The following COL22A1 variants were observed in gnomAD, a reference collection of about 807,000 sequenced individuals.
COL22A1 encodes the protein collagen alpha-1(XXII) chain.
COL22A1 carries 221 observed loss-of-function variants against 248.9 expected under a neutral mutation model. The ratio of observed to expected loss-of-function variants is 0.89; its 90% CI spans 0.80 to 0.99. The LOEUF (loss-of-function observed/expected upper bound fraction) is 0.99. Ranked by LOEUF, COL22A1 falls within the 50% of genes least tolerant of loss-of-function variation. COL22A1 has a pLI of 0.00. For synonymous variants in COL22A1, 891 were observed against 793.4 expected, an observed-to-expected ratio of 1.12 and a Z score of -2.07; for missense variants, 2,240 against 2,179.0, an observed-to-expected ratio of 1.03 and a Z score of -0.56.
At chr8:138,853,967 G>A (rs1405224502) in intron 3 of COL22A1, among the ~76,000 whole-genome samples, 1 of 152,248 alleles carries the variant, frequency 6.6e-6, no homozygotes, top group Non-Finnish European at 1.5e-5. Flanking sequence ...CAAGACCAGT[G>A]TGGGGTAGAA....
intron 23 of COL22A1, among the ~76,000 whole-genome samples, chr8:138,729,810 C>T (rs1331584069): frequency 6.6e-6 from 1 of 152,128 alleles, no homozygotes; most frequent in East Asian, 1.9e-4. Context: ...ACAGTGTGGG[C>T]AGAAACTCTA....
In COL22A1 at chr8:138,616,048, A is replaced by G. The variant is rs1819291578; in HGVS notation, c.3877T>C (p.Ser1293Pro). Reference protein sequence around the residue: ...DSGAPGPRGESGAMGLPGQEG... With the variant: ...DSGAPGPRGEPGAMGLPGQEG... The stretch of plus-strand genomic sequence containing the variant: ...TGACCAGGAAGCCCCATGGCACCAG[A>G]CTCTCCCTAGGAACAAAAAAGCCTG... The change falls in exon 55 of 65, where the codon TCT becomes CCT. Residue 1293 changes from serine to proline, a missense_variant. By Grantham distance (74) the Ser-to-Pro change is moderately conservative. Transcript: ENST00000303045. The G allele has an allele frequency of 6.2e-7, 1 of 1,612,606 alleles. No individual in the cohort carries two copies. The highest frequency in any genetic ancestry group is 1.7e-5 in the Admixed American group (1 of 59,946).
chr8:138,902,450 C>T (rs1364624531), intron 1 of COL22A1, among the ~76,000 whole-genome samples: 4 of 152,130 alleles, frequency 2.6e-5, no homozygotes, highest in African/African-American at 7.2e-5. Flanking sequence ...GTAATGCCAG[C>T]ACTTTGGAAG....
At chr8:138,738,037 G>A (rs1831258621) in intron 22 of COL22A1, among the ~76,000 whole-genome samples, 4 of 152,042 alleles carry the variant, frequency 2.6e-5, no homozygotes, top group Admixed American at 2.6e-4. Context: ...ACTTCAGCTT[G>A]CCATTCAACC....
intron 31 of COL22A1, among the ~76,000 whole-genome samples, chr8:138,700,583 A>C (rs1172110897): frequency 6.6e-6 from 1 of 152,162 alleles, no homozygotes; most frequent in African/African-American, 2.4e-5. Flanking sequence ...AAGGTTGGGG[A>C]GAGTAGGAGA....
chr8:138,695,022 C>G, intron 32 of COL22A1, 143 bp from the exon 33 acceptor site: 4 of 699,056 alleles, frequency 5.7e-6, no homozygotes, highest in South Asian at 5.7e-5. Flanking sequence ...AGGCTGTTCC[C>G]TCTGCCTGGG....
intron 36 of COL22A1, among the ~76,000 whole-genome samples, chr8:138,689,674 C>T (rs1194455081): frequency 1.3e-5 from 2 of 152,140 alleles, no homozygotes; most frequent in Non-Finnish European, 2.9e-5. Context: ...AAGATCATGC[C>T]ACTGCACCCC....
At chr8:138,753,538 G>A (rs950752349) in intron 21 of COL22A1, among the ~76,000 whole-genome samples, 2 of 152,152 alleles carry the variant, frequency 1.3e-5, no homozygotes, top group East Asian at 1.9e-4. Flanking sequence ...AAGACCATCC[G>A]CATGTCCTGT....
rs759951106 is a variant in COL22A1, at chr8:138,615,986, C to T, written c.3924+15G>A. ...CCAGCCCCAGCCCAGCCAGGTCCCA[C>T]AGGACCCCACTTACATCTTTTCCTG... On this transcript the variant is annotated intron_variant, in intron 55 of 64. Transcript: ENST00000303045. The T allele has an allele frequency of 3.1e-6, 5 of 1,606,702 alleles. No homozygotes were observed. The South Asian group carries it at 5.5e-5, about 18-fold the overall frequency.
intron 56 of COL22A1, among the ~76,000 whole-genome samples, chr8:138,612,565 T>C (rs1259219690): frequency 6.6e-6 from 1 of 152,022 alleles, no homozygotes; most frequent in Non-Finnish European, 1.5e-5. Context: ...TAAAGGTAAT[T>C]AGTTAAAATA....
intron 17 of COL22A1, 85 bp from the exon 18 acceptor site, chr8:138,760,372 G>T: frequency 7.9e-7 from 1 of 1,270,242 alleles, no homozygotes; most frequent in Non-Finnish European, 1.1e-6. Context: ...TTGAAAGACA[G>T]CTGCCCACTG....
intron 57 of COL22A1, among the ~76,000 whole-genome samples, chr8:138,607,404 C>A (rs1818506034): frequency 1.3e-5 from 2 of 152,152 alleles, no homozygotes; most frequent in Admixed American, 1.3e-4. Context: ...TCCCCACCTA[C>A]CAGGACTGAA....
At chr8:138,609,683 C>A (rs1236875185) in intron 56 of COL22A1, among the ~76,000 whole-genome samples, 1 of 152,230 alleles carries the variant, frequency 6.6e-6, no homozygotes, top group African/African-American at 2.4e-5. Context: ...TAGCCCTCCT[C>A]CTTCTTTCTC....
chr8:138,862,137 G>T (rs1187707987), intron 3 of COL22A1, among the ~76,000 whole-genome samples: 3 of 151,864 alleles, frequency 2.0e-5, no homozygotes, highest in Non-Finnish European at 4.4e-5. Context: ...AGAATTGCTT[G>T]AACCCAGGAG....
chr8:138,856,064 G>T (rs556698366), intron 3 of COL22A1, among the ~76,000 whole-genome samples: 2 of 152,328 alleles, frequency 1.3e-5, no homozygotes, highest in South Asian at 4.1e-4. Context: ...GCAGAAAAAG[G>T]GGCCGTGCCT....
intron 30 of COL22A1, among the ~76,000 whole-genome samples, chr8:138,703,614 A>G (rs1828151836): frequency 6.6e-6 from 1 of 152,206 alleles, no homozygotes; most frequent in Non-Finnish European, 1.5e-5. Context: ...GATCATTTAT[A>G]TCACTATATA....
intron 15 of COL22A1, among the ~76,000 whole-genome samples, chr8:138,776,356 C>A (rs762946067): frequency 1.3e-5 from 2 of 152,184 alleles, no homozygotes; most frequent in Non-Finnish European, 2.9e-5. Context: ...CAGTTCCCCC[C>A]AAGACACTAC....
At chr8:138,719,430 G>C (rs961587623) in intron 27 of COL22A1, among the ~76,000 whole-genome samples, 3 of 152,204 alleles carry the variant, frequency 2.0e-5, no homozygotes, top group African/African-American at 4.8e-5. Context: ...TGAGGGCTGA[G>C]TTCCTCGGAT....
chr8:138,814,290 G>T (rs1287216622), intron 7 of COL22A1, among the ~76,000 whole-genome samples: 1 of 152,262 alleles, frequency 6.6e-6, no homozygotes, highest in Non-Finnish European at 1.5e-5. Flanking sequence ...CCATATCCAG[G>T]TATCCCCTTT....
Sources: gnomAD v4.1 joint callset for allele counts (sites outside exome capture counted in the v4.1 genomes callset) on GRCh38, gnomAD v4.1.1 for gene constraint, MANE v1.5 for transcripts, NCBI Gene and HGNC (gene_info 2026-07-23, HGNC 2026-07-21) for gene names.